Variants in ANAPC4 observed in about 807,000 individuals in gnomAD.
ANAPC4 encodes anaphase-promoting complex subunit 4.
Under a neutral mutation model 119.8 loss-of-function variants are expected in ANAPC4, and 63 were observed. The observed-to-expected ratio is 0.53, with a 90% CI of 0.43 to 0.65. The LOEUF (loss-of-function observed/expected upper bound fraction) is 0.65, where lower values mean the gene tolerates loss of function less well. Ranked by LOEUF, ANAPC4 falls within the 30% of genes least tolerant of loss-of-function variation. The pLI, the probability that ANAPC4 is intolerant of heterozygous loss-of-function variation, is 0.00. For missense variants in ANAPC4, 716 were observed against 945.1 expected (o/e 0.76, Z 3.18); for synonymous variants, 283 against 318.6 (o/e 0.89, Z 1.19).
intron 3 of ANAPC4, chr4:25,380,744 A>G (rs1721669247): frequency 3.4e-6 from 1 of 294,962 alleles, no homozygotes; most frequent in African/African-American, 2.2e-5. Flanking sequence ...GGAATATACA[A>G]AATGTTTTGG....
Position 25,405,755 on chromosome 4 carries a change from A to G in ANAPC4, c.1317+136A>G. 1.4e-6 allele frequency: 1 copy of G among 701,286 alleles called. No individual in the cohort carries two copies. The highest frequency in any genetic ancestry group is 2.3e-5 in the South Asian group (1 of 42,612). The allele number at this position is 701,286 out of a possible 1,614,324, so 43.4% of individuals were successfully genotyped here. On this transcript the variant is annotated intron_variant, in intron 18 of 28. Coordinates refer to ENST00000315368, the MANE Select transcript of ANAPC4 (RefSeq NM_013367.3). This position sits in a 1 kb window ranked among gnomAD's most constrained non-coding sequence, Gnocchi z 4.6. ...GTAGACGTTAGATCCCTTAAGCACC[A>G]CCTTTTTAAAAAAGAAATTTGCATG... is the stretch of plus-strand genomic sequence containing the variant.
chr4:25,377,329 G>A lies in ANAPC4; in HGVS notation c.-26G>A. On this transcript the variant is annotated 5_prime_UTR_variant, in exon 1 of 29. It adds an upstream start codon to the 5' untranslated region. Transcript: ENST00000315368. ...CCACTGGGGCCGTGTTAGTCTGCCG[G>A]TGGGGACTCTTGCAGGTACAGGCGC... 2.0e-6 allele frequency: 3 copies of A among 1,513,438 alleles called. No individual in the cohort carries two copies. Among genetic ancestry groups the A allele is most frequent in the Non-Finnish European group, 2.7e-6 (3 of 1,122,648 alleles). 93.8% of individuals were successfully genotyped at this position (1,513,438 alleles called of 1,614,324 possible).
intron 16 of ANAPC4, among the ~76,000 whole-genome samples, chr4:25,398,590 T>G (rs1374584077): frequency 6.6e-6 from 1 of 152,174 alleles, no homozygotes; most frequent in Admixed American, 6.5e-5. Context: ...TGTTAGGACT[T>G]TGGCCTTTAC....
intron 16 of ANAPC4, among the ~76,000 whole-genome samples, chr4:25,399,353 GTC>G (rs1722829190): frequency 6.6e-6 from 1 of 152,028 alleles, no homozygotes; most frequent in Admixed American, 6.6e-5. Flanking sequence ...TAGTTGCTGT[GTC>G]TCTTTAATTT....
At chr4:25,391,048 A>C in intron 9 of ANAPC4, 33 bp downstream of exon 9, 5 of 1,459,348 alleles carry the variant, frequency 3.4e-6, no homozygotes, top group Non-Finnish European at 3.8e-6. Flanking sequence ...GGTAGAGAGT[A>C]AATATGTATT....
chr4:25,415,533 A>G lies in ANAPC4; in HGVS notation c.1894A>G (p.Arg632Gly). 6.2e-7 allele frequency: 1 copy of G among 1,612,554 alleles called. No homozygotes were observed. Among genetic ancestry groups the G allele is most frequent in the East Asian group, 2.2e-5 (1 of 44,824 alleles). Residue 632 changes from arginine (R) to glycine (G), a missense_variant, in exon 26 of 29, where the codon AGA becomes GGA. Arg to Gly is a moderately radical substitution (Grantham distance 125). This residue lies in a region of ANAPC4 where 504 missense variants were observed against 615.8 expected (regional missense o/e 0.82). Coordinates refer to ENST00000315368, the MANE Select transcript of ANAPC4 (RefSeq NM_013367.3). ...TACATATGCCACAACAGAAAAAGTC[A>G]GAAGAAGGTAAGTCTTGAATCTTGT... ...SFTYATTEKV[R>G]RSIYSCLDAQ...
chr4:25,396,568 T>C (rs2109125871), intron 14 of ANAPC4, 96 bp from the exon 15 acceptor site: 1 of 907,388 alleles, frequency 1.1e-6, no homozygotes, highest in South Asian at 2.0e-5. Flanking sequence ...TGAAAGTTAC[T>C]TTCAGTTTTT....
chr4:25,381,986 C>T (rs1721757892), intron 3 of ANAPC4, among the ~76,000 whole-genome samples: 1 of 152,294 alleles, frequency 6.6e-6, no homozygotes, highest in Non-Finnish European at 1.5e-5. Flanking sequence ...TTAGAGATGA[C>T]AGTTGTTTCT....
At chr4:25,395,682 G>A (rs1460558194) in intron 14 of ANAPC4, among the ~76,000 whole-genome samples, 2 of 151,970 alleles carry the variant, frequency 1.3e-5, no homozygotes, top group Admixed American at 6.6e-5. Flanking sequence ...GCTCCTGACC[G>A]CAAGTGATCC....
chr4:25,406,867 T>C lies in ANAPC4; in HGVS notation c.1356T>C (p.Leu452=). The C allele has an allele frequency of 6.2e-7, 1 of 1,603,684 alleles. No homozygotes were observed. The highest frequency in any genetic ancestry group is 8.5e-7 in the Non-Finnish European group (1 of 1,175,966). Reference sequence around the variant, plus strand: ...ATATCACATTTGTTGCTGAATTTCTTACTGAACATTTCAATGAGGTAAGAA... The same window carrying C: ...ATATCACATTTGTTGCTGAATTTCTCACTGAACATTTCAATGAGGTAAGAA... ...QKDITFVAEF[L]TEHFNEAPDL... The change falls in exon 19 of 29, where the codon CTT becomes CTC. Residue 452 remains leucine, a synonymous_variant. Coordinates refer to ENST00000315368, the MANE Select transcript of ANAPC4 (RefSeq NM_013367.3).
chr4:25,394,179 C>T lies in ANAPC4; in HGVS notation c.877-131C>T, dbSNP rs1434672362. On this transcript the variant is annotated intron_variant, in intron 11 of 28. Transcript: ENST00000315368. Reference sequence around the variant, plus strand: ...TGGCTATCTTCTAGTCACTGATGTTCAGATGATCACTTTATGGATTTGATG... The same window carrying T: ...TGGCTATCTTCTAGTCACTGATGTTTAGATGATCACTTTATGGATTTGATG... 3.8e-6 allele frequency: 3 copies of T among 782,948 alleles called. No individual in the cohort carries two copies. In the East Asian group the frequency reaches 8.6e-5, roughly 22 times the overall value. The allele number at this position is 782,948 out of a possible 1,614,324, so 48.5% of individuals were successfully genotyped here.
chr4:25,385,278 C>T (rs928018362), intron 4 of ANAPC4, among the ~76,000 whole-genome samples: 1 of 152,194 alleles, frequency 6.6e-6, no homozygotes, highest in African/African-American at 2.4e-5. Flanking sequence ...TACATACATA[C>T]GTATACATAT....
At chr4:25,402,851 G>A (rs992252150) in intron 16 of ANAPC4, 120 bp from the exon 17 acceptor site, 1 of 472,972 alleles carries the variant, frequency 2.1e-6, no homozygotes, top group Non-Finnish European at 3.7e-6. Flanking sequence ...AGACTTAAAT[G>A]TCACCCAGAT....
Position 25,414,492 on chromosome 4 carries a change from A to G in ANAPC4, c.1712A>G (p.Lys571Arg), listed in dbSNP as rs764947097. 4 of 1,600,884 alleles carry G rather than the reference A, an allele frequency of 2.5e-6. No individual in the cohort carries two copies. Among genetic ancestry groups the G allele is most frequent in the African/African-American group, 1.3e-5 (1 of 74,542 alleles). The change falls in exon 24 of 29, where the codon AAA becomes AGA. Residue 571 changes from lysine to arginine, a missense_variant. By Grantham distance (26) the Lys-to-Arg change is conservative. Around this residue, in one of 3 missense-constraint regions of ANAPC4, gnomAD observed 504 missense variants for 615.8 expected, o/e 0.82. Transcript: ENST00000315368. Reference sequence around the variant, plus strand: ...GAGGATTCTACACGTAGATTGTTCAAATTTCCTTTTCTGTAAGTATATATT... The same window carrying G: ...GAGGATTCTACACGTAGATTGTTCAGATTTCCTTTTCTGTAAGTATATATT... ...RSEDSTRRLF[K>R]FPFLWNNKTS...
At chr4:25,417,803 C>A in intron 28 of ANAPC4, 64 bp downstream of exon 28, 3 of 1,545,444 alleles carry the variant, frequency 1.9e-6, no homozygotes, top group South Asian at 1.3e-5. Context: ...TTCTTTGGAA[C>A]CTTCATCAAA....
intron 4 of ANAPC4, among the ~76,000 whole-genome samples, chr4:25,384,627 C>T (rs1725318096): frequency 6.6e-6 from 1 of 152,102 alleles, no homozygotes; most frequent in African/African-American, 2.4e-5. Flanking sequence ...TCAAGACGAG[C>T]CTGGGCAACA....
At chr4:25,390,309 T>C in intron 8 of ANAPC4, 89 bp downstream of exon 8, 2 of 927,420 alleles carry the variant, frequency 2.2e-6, no homozygotes, top group Non-Finnish European at 3.2e-6. Flanking sequence ...CACTAGGTTT[T>C]TTTTCAGTTT....
At chr4:25,410,768 G>A (rs188588455) in intron 21 of ANAPC4, among the ~76,000 whole-genome samples, 121 of 152,284 alleles carry the variant, frequency 7.9e-4, no homozygotes, top group Middle Eastern at 3.4e-3. Context: ...TCAAAATGCA[G>A]TCAAGACTTT....
chr4:25,384,170 T>G (rs928302381), intron 4 of ANAPC4, among the ~76,000 whole-genome samples: 3 of 152,224 alleles, frequency 2.0e-5, no homozygotes, highest in African/African-American at 7.2e-5. Context: ...AAGCACTTTC[T>G]TTGCTCATCC....
Sources: allele counts gnomAD v4.1 joint callset (sites outside exome capture counted in the v4.1 genomes callset), GRCh38; gene constraint gnomAD v4.1.1; regional missense constraint gnomAD v4.1.1; non-coding constraint Gnocchi (gnomAD v3.1); transcripts MANE v1.5; gene names NCBI Gene and HGNC (gene_info 2026-07-23, HGNC 2026-07-21).